The following SH2D4A variants were observed in gnomAD, a reference collection of about 807,000 sequenced individuals.
The protein encoded by SH2D4A is SH2 domain-containing protein 4A.
In SH2D4A, 70 loss-of-function variants were observed where a neutral mutation model predicts 64.7. The ratio of observed to expected loss-of-function variants is 1.08; its 90% CI spans 0.89 to 1.32. The LOEUF (loss-of-function observed/expected upper bound fraction) is 1.32, where lower values mean the gene tolerates loss of function less well. Among genes scored for constraint, SH2D4A ranks in the 40% most tolerant of loss-of-function variants. The probability of loss-of-function intolerance (pLI) is 0.00; values close to 1 mark genes in which losing one functional copy is unlikely to be tolerated. For missense variants in SH2D4A, 706 were observed against 540.1 expected, an observed-to-expected ratio of 1.31 and a Z score of -3.04; for synonymous variants, 268 against 200.7, an observed-to-expected ratio of 1.34 and a Z score of -2.83.
At chr8:19,336,515 C>T (rs7835155) in intron 4 of SH2D4A, among the ~76,000 whole-genome samples, 1 of 151,892 alleles carries the variant, frequency 6.6e-6, no homozygotes, top group East Asian at 1.9e-4. Flanking sequence ...CACACCCCTC[C>T]AACCAAGAAC....
chr8:19,319,624 T>A lies in SH2D4A; in HGVS notation c.77T>A (p.Ile26Asn). Residue 26 changes from isoleucine (I) to asparagine (N), a missense_variant, in exon 2 of 10, where the codon ATC becomes AAC. Coordinates refer to ENST00000265807, the MANE Select transcript of SH2D4A (RefSeq NM_022071.4). ...GAGCTCAGCGAAGAACAGAAACAGA[T>A]CCTGTTCTTCAAGATGAGAGAGGAA... ...LAELSEEQKQ[I>N]LFFKMREEQI... The A allele has an allele frequency of 6.2e-7, 1 of 1,610,970 alleles. No individual in the cohort carries two copies. The highest frequency in any genetic ancestry group is 1.3e-5 in the African/African-American group (1 of 74,834).
chr8:19,334,933 T>A, intron 4 of SH2D4A, 76 bp downstream of exon 4: 2 of 1,470,650 alleles, frequency 1.4e-6, no homozygotes, highest in Non-Finnish European at 1.8e-6. Context: ...CAGAGACTAC[T>A]GTGGCTGAGT....
rs952938816 is a variant in SH2D4A at position 19,393,540 on chromosome 8, A to G, written c.1271A>G (p.Lys424Arg). 1.2e-6 allele frequency: 2 copies of G among 1,613,890 alleles called. No individual in the cohort carries two copies. Among genetic ancestry groups the G allele is most frequent in the African/African-American group, 1.3e-5 (1 of 74,936 alleles). Residue 424 changes from lysine to arginine, a missense_variant and splice_region_variant, in exon 9 of 10, where the codon AAG (lysine) becomes AGG (arginine). By Grantham distance (26) the Lys-to-Arg change is conservative. Transcript: ENST00000265807. ...ATLADLVEYH[K>R]EEPITSLGKE... ...TTGGCGGATTTGGTGGAATATCACA[A>G]GGTGAAGCAATGCATAAACTTAATT...
chr8:19,335,022 G>T (rs2052422739), intron 4 of SH2D4A, among the ~76,000 whole-genome samples, 165 bp downstream of exon 4: 1 of 152,064 alleles, frequency 6.6e-6, no homozygotes. Context: ...GGTGGCTCAT[G>T]CCTGTAATCC....
chr8:19,356,472 G>A (rs1192743100), intron 4 of SH2D4A, among the ~76,000 whole-genome samples: 1 of 152,204 alleles, frequency 6.6e-6, no homozygotes, highest in African/African-American at 2.4e-5. Context: ...GACTACCCAT[G>A]TTGGGACTTA....
In SH2D4A at chr8:19,352,598, A is replaced by T. The variant is rs75582741; in HGVS notation, c.514-4605A>T. Among the ~76,000 whole-genome samples the T allele has an allele frequency of 9.2e-3, 1,405 of 152,326 alleles. 17 individuals carry two copies. The highest frequency in any genetic ancestry group is 0.041 in the South Asian group (200 of 4,830). ...AATGTGGCAGATGGATGATGACCGT[A>T]GTGGCTGTTATGCGTAAGAGCATAC... On this transcript the variant is annotated intron_variant, in intron 4 of 9. Coordinates refer to ENST00000265807, the MANE Select transcript of SH2D4A (RefSeq NM_022071.4).
In SH2D4A at chr8:19,373,666, T is replaced by C; in HGVS notation, c.1048+6T>C. 1 of 1,612,414 alleles carries C rather than the reference T, an allele frequency of 6.2e-7. No individual in the cohort carries two copies. Among genetic ancestry groups the C allele is most frequent in the Non-Finnish European group, 8.5e-7 (1 of 1,179,142 alleles). On this transcript the variant is annotated splice_donor_region_variant and intron_variant, in intron 8 of 9. Transcript: ENST00000265807. Reference sequence around the variant, plus strand: ...CATAGCCCCCTGGTTCCATGGTGAGTGCAGAGATTTCCTCAATGGTGTTTC... The same window carrying C: ...CATAGCCCCCTGGTTCCATGGTGAGCGCAGAGATTTCCTCAATGGTGTTTC...
chr8:19,381,060 T>TA (rs2053284986), intron 8 of SH2D4A, among the ~76,000 whole-genome samples: 1 of 152,040 alleles, frequency 6.6e-6, no homozygotes, highest in East Asian at 1.9e-4. Flanking sequence ...TTTTTTTTTT[T>TA]AGACGGAGTC....
chr8:19,367,553 C>G (rs747703967), intron 7 of SH2D4A, among the ~76,000 whole-genome samples: 3 of 151,914 alleles, frequency 2.0e-5, no homozygotes, highest in Non-Finnish European at 2.9e-5. Flanking sequence ...TTGAGAAATG[C>G]CTATTGAGGT....
At chr8:19,350,586 T>C (rs2052686338) in intron 4 of SH2D4A, among the ~76,000 whole-genome samples, 3 of 152,058 alleles carry the variant, frequency 2.0e-5, no homozygotes, top group South Asian at 2.1e-4. Flanking sequence ...CAGGCTCAGG[T>C]GATCCTCCCA....
At chr8:19,392,749 G>GT (rs1585219427) in intron 8 of SH2D4A, among the ~76,000 whole-genome samples, 1 of 148,954 alleles carries the variant, frequency 6.7e-6, no homozygotes, top group Non-Finnish European at 1.5e-5. Flanking sequence ...TTTTTGTTTT[G>GT]TTTTTTGAGA....
intron 6 of SH2D4A, chr8:19,363,858 C>A (rs940343670): frequency 3.5e-6 from 2 of 566,572 alleles, no homozygotes; most frequent in Non-Finnish European, 6.3e-6. Flanking sequence ...TCTCAGAAAA[C>A]CCCCAGTCCT....
In SH2D4A at chr8:19,313,996, G is replaced by C. The variant is rs1431634638; in HGVS notation, c.-205+173G>C. ...CTTCGCGGCGCCCGGGGCGGGCTCA[G>C]GTGCGGGGTTGGGCGGCGAGAGCGG... is the stretch of plus-strand genomic sequence containing the variant. On this transcript the variant is annotated intron_variant, in intron 1 of 9. Transcript: ENST00000265807. The C allele has an allele frequency of 9.5e-5, 119 of 1,251,150 alleles. 1 individual carries two copies. Among genetic ancestry groups the C allele is most frequent in the Non-Finnish European group, 1.2e-4 (115 of 999,548 alleles). The allele number at this position is 1,251,150 out of a possible 1,614,324, so 77.5% of individuals were successfully genotyped here.
rs1321682152 is a variant in SH2D4A at position 19,313,735 on chromosome 8, T to C, written c.-293T>C. On this transcript the variant is annotated 5_prime_UTR_variant, in exon 1 of 10. Transcript: ENST00000265807. ...CTGCGCCGCTTGGGACGCCTCTGCC[T>C]TTCCCTCCCTCCCTTCCCCGACGGC... 1.3e-6 allele frequency: 2 copies of C among 1,508,612 alleles called. No individual in the cohort carries two copies. Among genetic ancestry groups the C allele is most frequent in the South Asian group, 1.2e-5 (1 of 82,378 alleles). The allele number at this position is 1,508,612 out of a possible 1,614,324, so 93.5% of individuals were successfully genotyped here. A position where few individuals can be genotyped will look rare whatever the true frequency, so the allele number is the denominator to read the frequency against.
chr8:19,326,646 G>A (rs1281415292), intron 2 of SH2D4A, among the ~76,000 whole-genome samples: 3 of 136,938 alleles, frequency 2.2e-5, no homozygotes, highest in Admixed American at 1.4e-4. Flanking sequence ...CCCCCACATC[G>A]TGTGTGTGTA....
chr8:19,346,272 T>C (rs558469389), intron 4 of SH2D4A, among the ~76,000 whole-genome samples: 1 of 152,306 alleles, frequency 6.6e-6, no homozygotes, highest in East Asian at 1.9e-4. Context: ...CCAGGCCACA[T>C]GGCAGGAGGT....
intron 4 of SH2D4A, among the ~76,000 whole-genome samples, chr8:19,338,332 C>T (rs756617776): frequency 3.9e-5 from 6 of 152,140 alleles, no homozygotes; most frequent in Admixed American, 1.3e-4. Flanking sequence ...GATAAACAAT[C>T]TATTTGTTAG....
At chr8:19,390,418 G>C (rs1480268413) in intron 8 of SH2D4A, among the ~76,000 whole-genome samples, 2 of 152,146 alleles carry the variant, frequency 1.3e-5, no homozygotes, top group African/African-American at 2.4e-5. Flanking sequence ...TCTAACATTA[G>C]ATTTTGGTTT....
intron 2 of SH2D4A, among the ~76,000 whole-genome samples, chr8:19,323,331 T>A (rs556206835): frequency 6.6e-6 from 1 of 152,220 alleles, no homozygotes; most frequent in South Asian, 2.1e-4. Flanking sequence ...CTGATGATAT[T>A]TTGTATATCT....
Sources: gnomAD v4.1 joint callset for allele counts (sites outside exome capture counted in the v4.1 genomes callset) on GRCh38, gnomAD v4.1.1 for gene constraint, MANE v1.5 for transcripts, NCBI Gene and HGNC (gene_info 2026-07-23, HGNC 2026-07-21) for gene names.